CAMKMT: variants seen among roughly 807,000 people sequenced by gnomAD.
The protein encoded by CAMKMT is CaM KMT.
Under a neutral mutation model 48.0 loss-of-function variants are expected in CAMKMT, and 53 were observed. The observed-to-expected ratio is 1.10, with a 90% CI of 0.89 to 1.39. The LOEUF (loss-of-function observed/expected upper bound fraction) is 1.39. Ranked by LOEUF, CAMKMT falls within the 40% of genes most tolerant of loss-of-function variation. The probability of loss-of-function intolerance (pLI) is 0.00; values close to 1 mark genes in which losing one functional copy is unlikely to be tolerated. For synonymous variants in CAMKMT, 165 were observed against 152.3 expected (o/e 1.08, Z -0.61); for missense variants, 428 against 402.7 (o/e 1.06, Z -0.54).
intron 3 of CAMKMT, chr2:44,676,895 T>A (rs1558789349): frequency 6.6e-6 from 1 of 152,268 alleles, no homozygotes; most frequent in Non-Finnish European, 1.5e-5. Context: ...GTCTTCCTGC[T>A]TCTAATTCAC....
chr2:44,532,243 C>T (rs1254797889), intron 3 of CAMKMT, among the ~76,000 whole-genome samples: 3 of 152,094 alleles, frequency 2.0e-5, no homozygotes, highest in Non-Finnish European at 4.4e-5. Flanking sequence ...TTTTGTTGAT[C>T]AAAGAATGTA....
intron 3 of CAMKMT, chr2:44,631,543 A>T (rs919672113): frequency 8.2e-6 from 5 of 610,138 alleles, no homozygotes; most frequent in Non-Finnish European, 1.5e-5. Flanking sequence ...GACTCAAGCA[A>T]TCCTTCTGCC....
rs904597574 is a variant in CAMKMT at position 44,368,513 on chromosome 2, C to T, written c.139-4203C>T. On this transcript the variant is annotated intron_variant, in intron 1 of 10. Coordinates refer to ENST00000378494, the MANE Select transcript of CAMKMT (RefSeq NM_024766.5). ...GAGTATTAGCTTGTTGTCGTATTGT[C>T]GATCATGTAGATCACGTTGTCATAC... is the stretch of plus-strand genomic sequence containing the variant. Among the ~76,000 whole-genome samples, 4 of 152,132 alleles carry T rather than the reference C, an allele frequency of 2.6e-5. No individual in the cohort carries two copies. In the South Asian group the frequency reaches 6.2e-4, roughly 24 times the overall value.
intron 3 of CAMKMT, chr2:44,550,627 C>T (rs1223866886): frequency 6.6e-6 from 1 of 152,014 alleles, no homozygotes; most frequent in African/African-American, 2.4e-5. Flanking sequence ...TTTTCTATTC[C>T]ATGTGGTGTG....
At chr2:44,748,973 G>C (rs1573225759) in intron 8 of CAMKMT, among the ~76,000 whole-genome samples, 1 of 152,328 alleles carries the variant, frequency 6.6e-6, no homozygotes, top group East Asian at 1.9e-4. Flanking sequence ...TTAATGGCAA[G>C]TTTGTGTAGC....
chr2:44,558,025 T>G (rs1222242874), intron 3 of CAMKMT, among the ~76,000 whole-genome samples: 1 of 135,426 alleles, frequency 7.4e-6, no homozygotes, highest in African/African-American at 3.0e-5. Flanking sequence ...TGAGTTTTAT[T>G]TATTTATTTA....
At chr2:44,591,826 G>A (rs377415850) in intron 3 of CAMKMT, among the ~76,000 whole-genome samples, 17 of 151,986 alleles carry the variant, frequency 1.1e-4, no homozygotes, top group Admixed American at 9.8e-4. Context: ...ATGTCCAACA[G>A]TGATAGACTG....
chr2:44,738,066 G>A (rs966650023), intron 7 of CAMKMT, among the ~76,000 whole-genome samples: 4 of 151,880 alleles, frequency 2.6e-5, no homozygotes. Context: ...ATCTTGGCTA[G>A]CCCAGTCTCA....
chr2:44,751,499 G>T (rs1396971957), intron 8 of CAMKMT, among the ~76,000 whole-genome samples: 1 of 152,190 alleles, frequency 6.6e-6, no homozygotes, highest in African/African-American at 2.4e-5. Flanking sequence ...GGATTGATGT[G>T]AGGATTAAAT....
At chr2:44,454,700 C>T (rs941291779) in intron 3 of CAMKMT, among the ~76,000 whole-genome samples, 3 of 152,012 alleles carry the variant, frequency 2.0e-5, no homozygotes, top group Admixed American at 2.0e-4. Flanking sequence ...GGCATAATGG[C>T]CCCAAACCTA....
intron 3 of CAMKMT, among the ~76,000 whole-genome samples, chr2:44,676,211 GCT>G (rs1243428607): frequency 3.3e-5 from 5 of 151,332 alleles, no homozygotes; most frequent in Non-Finnish European, 7.4e-5. Context: ...TCCCTCTCTC[GCT>G]CTCTCTCTCT....
chr2:44,362,106 G>T lies in CAMKMT; in HGVS notation c.99G>T (p.Ser33=), dbSNP rs559193501. The change falls in exon 1 of 11, where the codon TCG becomes TCT. Residue 33 remains serine (S), a synonymous_variant. Coordinates refer to ENST00000378494, the MANE Select transcript of CAMKMT (RefSeq NM_024766.5). ...GCACCACTCGGGGGCCCGTAGTCTCGGCGCCCCTGGGAGCCGCCCGGTGGA... is the reference window on the plus strand; with the variant it reads ...GCACCACTCGGGGGCCCGTAGTCTCTGCGCCCCTGGGAGCCGCCCGGTGGA... ...VGCTTRGPVV[S]APLGAARWKL... The T allele has an allele frequency of 4.5e-5, 66 of 1,466,960 alleles. No individual in the cohort carries two copies. The highest frequency in any genetic ancestry group is 5.8e-5 in the Non-Finnish European group (65 of 1,120,690). The allele number at this position is 1,466,960 out of a possible 1,614,324, so 90.9% of individuals were successfully genotyped here. A position where few individuals can be genotyped will look rare whatever the true frequency, so the allele number is the denominator to read the frequency against.
At chr2:44,749,978 T>C (rs1300853821) in intron 8 of CAMKMT, among the ~76,000 whole-genome samples, 3 of 152,180 alleles carry the variant, frequency 2.0e-5, no homozygotes, top group Non-Finnish European at 2.9e-5. Context: ...CTCATGGAGA[T>C]GGCTGATGCA....
chr2:44,648,823 A>G (rs1333203463), intron 3 of CAMKMT, among the ~76,000 whole-genome samples: 2 of 152,186 alleles, frequency 1.3e-5, no homozygotes, highest in Non-Finnish European at 2.9e-5. Context: ...TCTCCCCTAG[A>G]CTACCCCAAA....
intron 3 of CAMKMT, among the ~76,000 whole-genome samples, chr2:44,564,455 G>A (rs1237493508): frequency 1.3e-5 from 2 of 152,090 alleles, no homozygotes; most frequent in Non-Finnish European, 2.9e-5. Context: ...TATTACAGGC[G>A]TGAGCCACCA....
rs1309364397 is a variant in CAMKMT, at chr2:44,612,463, T to A, written c.377-91820T>A. Among the ~76,000 whole-genome samples, 3 of 152,340 alleles carry A rather than the reference T, an allele frequency of 2.0e-5. No individual in the cohort carries two copies. The East Asian group carries it at 5.8e-4, about 29-fold the overall frequency. On this transcript the variant is annotated intron_variant, in intron 3 of 10. Transcript: ENST00000378494. ...AAAAGGCAAAAAGGAGAGTTAACTT[T>A]GAGGAAGTAGTGATTACGGAATTTC...
chr2:44,406,128 G>C (rs1682760675), intron 3 of CAMKMT, among the ~76,000 whole-genome samples: 1 of 152,146 alleles, frequency 6.6e-6, no homozygotes, highest in African/African-American at 2.4e-5. Flanking sequence ...GTATTGGAAA[G>C]ATACTAAGCA....
intron 7 of CAMKMT, among the ~76,000 whole-genome samples, chr2:44,736,999 A>C (rs1355520017): frequency 1.3e-5 from 2 of 152,082 alleles, no homozygotes; most frequent in Non-Finnish European, 2.9e-5. Flanking sequence ...TCTTGTCATT[A>C]TGGTTTCTAT....
At chr2:44,385,818 T>G (rs1680732751) in intron 2 of CAMKMT, among the ~76,000 whole-genome samples, 1 of 152,184 alleles carries the variant, frequency 6.6e-6, no homozygotes, top group African/African-American at 2.4e-5. Flanking sequence ...ATCCCTGATA[T>G]GAAACCCACT....
Sources: gnomAD v4.1 joint callset for allele counts (sites outside exome capture counted in the v4.1 genomes callset) on GRCh38, gnomAD v4.1.1 for gene constraint, MANE v1.5 for transcripts, NCBI Gene and HGNC (gene_info 2026-07-23, HGNC 2026-07-21) for gene names.